LOC128092252: variants seen among roughly 807,000 people sequenced by gnomAD.
chr15:50,652,326 C>A, the LOC128092252 span, among the ~76,000 whole-genome samples: 1 of 45,292 alleles, frequency 2.2e-5, no homozygotes, highest in Non-Finnish European at 3.6e-5. Context: ...GAGACTCCAT[C>A]TCAAAAAAAA....
the LOC128092252 span, among the ~76,000 whole-genome samples, chr15:50,667,598 T>A: frequency 6.6e-6 from 1 of 152,120 alleles, no homozygotes; most frequent in Non-Finnish European, 1.5e-5. Context: ...TCCCAGCTGC[T>A]AGGGAAGCTG....
chr15:50,669,488 C>T, the LOC128092252 span, among the ~76,000 whole-genome samples: 1 of 152,052 alleles, frequency 6.6e-6, no homozygotes. Flanking sequence ...AAAGTCTTAT[C>T]GGAGATTCCT....
At chr15:50,658,030 A>G in the LOC128092252 span, among the ~76,000 whole-genome samples, 1 of 145,510 alleles carries the variant, frequency 6.9e-6, no homozygotes, top group Non-Finnish European at 1.5e-5. Flanking sequence ...TTTGAGACAG[A>G]GTCTCGCTCT....
At chr15:50,658,549 G>A in the LOC128092252 span, among the ~76,000 whole-genome samples, 1 of 150,612 alleles carries the variant, frequency 6.6e-6, no homozygotes, top group Admixed American at 6.6e-5. Flanking sequence ...TCCAGCCTGG[G>A]CGAAAGAGCG....
the LOC128092252 span, among the ~76,000 whole-genome samples, chr15:50,678,732 A>G: frequency 6.6e-6 from 1 of 152,070 alleles, no homozygotes; most frequent in African/African-American, 2.4e-5. Flanking sequence ...AAAGTTCTAT[A>G]TATTTAAAAA....
chr15:50,657,905 A>T, the LOC128092252 span: 13 of 1,009,636 alleles, frequency 1.3e-5, no homozygotes, highest in Non-Finnish European at 1.9e-5. Context: ...AATACAAAAC[A>T]AAAAAAATTA....
the LOC128092252 span, among the ~76,000 whole-genome samples, chr15:50,671,345 A>C: frequency 1.3e-5 from 2 of 152,172 alleles, no homozygotes; most frequent in Non-Finnish European, 2.9e-5. Flanking sequence ...TTCACTTAAC[A>C]TAATGTCCTC....
chr15:50,670,563 T>C, the LOC128092252 span, among the ~76,000 whole-genome samples: 15 of 152,128 alleles, frequency 9.9e-5, no homozygotes, highest in African/African-American at 3.6e-4. Flanking sequence ...ACAGATGCCA[T>C]GGCAACATTC....
chr15:50,670,376 A>G, the LOC128092252 span, among the ~76,000 whole-genome samples: 1 of 152,168 alleles, frequency 6.6e-6, no homozygotes, highest in East Asian at 1.9e-4. Context: ...TGGGAGTCCA[A>G]CATAAGATAT....
the LOC128092252 span, among the ~76,000 whole-genome samples, chr15:50,685,253 A>T: frequency 6.6e-6 from 1 of 152,210 alleles, no homozygotes; most frequent in Non-Finnish European, 1.5e-5. Context: ...ACCTGAGGTC[A>T]GGAATTAAGA....
At chr15:50,663,032 C>A in the LOC128092252 span, 8 of 1,613,268 alleles carry the variant, frequency 5.0e-6, no homozygotes, top group African/African-American at 5.3e-5. Flanking sequence ...TGCTTTCTAT[C>A]CAGGATTTCT....
the LOC128092252 span, among the ~76,000 whole-genome samples, chr15:50,670,319 T>C: frequency 6.6e-6 from 1 of 152,128 alleles, no homozygotes; most frequent in South Asian, 2.1e-4. Flanking sequence ...TGAGACCTGC[T>C]GGGCTGCATT....
chr15:50,661,859 T>C, the LOC128092252 span, among the ~76,000 whole-genome samples: 4 of 152,190 alleles, frequency 2.6e-5, no homozygotes, highest in Non-Finnish European at 5.9e-5. Flanking sequence ...AAAAGTGCTC[T>C]ATAGGTTAGG....
At chr15:50,675,151 T>C in the LOC128092252 span, among the ~76,000 whole-genome samples, 5 of 152,170 alleles carry the variant, frequency 3.3e-5, no homozygotes, top group African/African-American at 9.7e-5. Flanking sequence ...GAGACCAGCC[T>C]GGCCAACATG....
At chr15:50,662,246 G>A in the LOC128092252 span, among the ~76,000 whole-genome samples, 9 of 151,690 alleles carry the variant, frequency 5.9e-5, no homozygotes, top group African/African-American at 1.7e-4. Flanking sequence ...CCAGCTACTC[G>A]GGAGGCTGAG....
chr15:50,676,411 A>T, the LOC128092252 span, among the ~76,000 whole-genome samples: 1 of 152,184 alleles, frequency 6.6e-6, no homozygotes, highest in East Asian at 1.9e-4. Flanking sequence ...TAACCACCAT[A>T]AATTCTGGAC....
chr15:50,652,328 C>CAAAAAAAAAAAAAAAAAAAAAAA, the LOC128092252 span, among the ~76,000 whole-genome samples: 2 of 34,226 alleles, frequency 5.8e-5, no homozygotes, highest in Non-Finnish European at 9.4e-5. Flanking sequence ...GACTCCATCT[C>CAAAAAAAAAAAAAAAAAAAAAAA]AAAAAAAAAA....
At chr15:50,657,680 T>C in the LOC128092252 span, 7 of 1,048,308 alleles carry the variant, frequency 6.7e-6, no homozygotes, top group Non-Finnish European at 5.7e-6. Flanking sequence ...TCAAATATAA[T>C]AGCATGTGAG....
the LOC128092252 span, chr15:50,686,490 C>G: frequency 6.2e-7 from 1 of 1,614,128 alleles, no homozygotes; most frequent in Non-Finnish European, 8.5e-7. Context: ...CGCCCGCAAC[C>G]CCAGAACCAT....
Sources: allele counts gnomAD v4.1 joint callset (sites outside exome capture counted in the v4.1 genomes callset), GRCh38; gene constraint gnomAD v4.1.1; transcripts MANE v1.5.